PDK1: variants seen among roughly 807,000 people sequenced by gnomAD.
PDK1 encodes the protein pyruvate dehydrogenase kinase 1.
A neutral mutation model predicts 54.2 loss-of-function variants in PDK1; 39 were observed. The ratio of observed to expected loss-of-function variants is 0.72; its 90% CI spans 0.56 to 0.94. The LOEUF is 0.94. Among genes scored for constraint, PDK1 ranks in the 40% least tolerant of loss-of-function variants. The pLI is 0.00. For synonymous variants in PDK1, 221 were observed against 207.1 expected, an observed-to-expected ratio of 1.07 and a Z score of -0.58; for missense variants, 552 against 566.0, an observed-to-expected ratio of 0.98 and a Z score of 0.25.
chr2:172,649,077 C>T, the PDK1 span, among the ~76,000 whole-genome samples: 2 of 152,228 alleles, frequency 1.3e-5, no homozygotes, highest in African/African-American at 4.8e-5. Context: ...CTGGGAGACA[C>T]CTCCCAGTAG....
chr2:172,563,623 C>T (rs1377713633), intron 3 of PDK1, among the ~76,000 whole-genome samples: 1 of 152,138 alleles, frequency 6.6e-6, no homozygotes, highest in Non-Finnish European at 1.5e-5. Flanking sequence ...CGTCTGAGGT[C>T]GGGAGTTCGA....
chr2:172,656,458 C>T, the PDK1 span, among the ~76,000 whole-genome samples: 3 of 152,158 alleles, frequency 2.0e-5, no homozygotes, highest in Admixed American at 6.5e-5. Context: ...CCATGCTCCT[C>T]CCTTAGAGGA....
the PDK1 span, among the ~76,000 whole-genome samples, chr2:172,621,053 A>G: frequency 6.6e-6 from 1 of 152,206 alleles, no homozygotes; most frequent in East Asian, 1.9e-4. Context: ...GCCAAGGCAG[A>G]CGGATCACTT....
chr2:172,654,500 T>G, the PDK1 span, among the ~76,000 whole-genome samples: 1 of 151,358 alleles, frequency 6.6e-6, no homozygotes, highest in African/African-American at 2.4e-5. Flanking sequence ...CTGAGCAAAC[T>G]ATCGCAAGGA....
the PDK1 span, among the ~76,000 whole-genome samples, chr2:172,649,345 G>T: frequency 6.6e-6 from 1 of 152,270 alleles, no homozygotes; most frequent in Non-Finnish European, 1.5e-5. Context: ...CATCATCAAA[G>T]ACCAAAGGTA....
chr2:172,555,695 T>C (rs900105851), upstream of PDK1: 6 of 152,842 alleles, frequency 3.9e-5, no homozygotes, highest in African/African-American at 1.4e-4. Context: ...TTGGCTGAGA[T>C]TGGGAGGGCA....
chr2:172,609,590 A>G (rs1691399687), downstream of PDK1, among the ~76,000 whole-genome samples: 3 of 152,338 alleles, frequency 2.0e-5, no homozygotes, highest in South Asian at 6.2e-4. Context: ...CAAACAACCC[A>G]AAGAAGTGGA....
intron 8 of PDK1, among the ~76,000 whole-genome samples, chr2:172,583,777 T>C (rs1367141528): frequency 6.6e-6 from 1 of 152,124 alleles, no homozygotes; most frequent in Non-Finnish European, 1.5e-5. Context: ...TTTTTAAATA[T>C]ATAAAAACTC....
intron 1 of PDK1, among the ~76,000 whole-genome samples, chr2:172,557,795 G>A (rs556839828): frequency 6.6e-6 from 1 of 151,978 alleles, no homozygotes; most frequent in South Asian, 2.1e-4. Flanking sequence ...CTTTGCTTAT[G>A]GTAATTAGCA....
the PDK1 span, among the ~76,000 whole-genome samples, chr2:172,641,659 A>G: frequency 6.6e-6 from 1 of 151,898 alleles, no homozygotes; most frequent in African/African-American, 2.4e-5. Flanking sequence ...GGCCAGGCTG[A>G]TCTCAAACTC....
chr2:172,634,312 G>A, the PDK1 span, among the ~76,000 whole-genome samples: 2 of 58,790 alleles, frequency 3.4e-5, no homozygotes, highest in Middle Eastern at 0.013. Flanking sequence ...TCGCTCTGTC[G>A]CCCAGGCTGG....
At chr2:172,650,534 C>A in the PDK1 span, among the ~76,000 whole-genome samples, 22 of 152,248 alleles carry the variant, frequency 1.4e-4, no homozygotes, top group African/African-American at 5.3e-4. Flanking sequence ...AAGACACAGA[C>A]TGGCAAATTG....
intron 3 of PDK1, chr2:172,562,913 A>G (rs1271401043): frequency 7.6e-6 from 7 of 919,768 alleles, no homozygotes; most frequent in Non-Finnish European, 1.2e-5. Flanking sequence ...TGTAATGACC[A>G]TCTCTTGTCC....
At chr2:172,555,513 C>T (rs543614848), upstream of PDK1, 1 of 152,262 alleles carries the variant, frequency 6.6e-6, no homozygotes, top group East Asian at 1.9e-4. Context: ...GGCCACACGT[C>T]CCAGTGTTCA....
the PDK1 span, among the ~76,000 whole-genome samples, chr2:172,709,082 C>T: frequency 6.6e-6 from 1 of 151,918 alleles, no homozygotes; most frequent in East Asian, 1.9e-4. Flanking sequence ...TGTTTTTAAA[C>T]CTTTGCAGGT....
chr2:172,636,343 T>A, the PDK1 span, among the ~76,000 whole-genome samples: 5 of 152,094 alleles, frequency 3.3e-5, no homozygotes, highest in Non-Finnish European at 7.4e-5. Context: ...GAGCCCACAT[T>A]ACATGGTGAG....
At chr2:172,638,536 CAT>C in the PDK1 span, among the ~76,000 whole-genome samples, 1 of 152,132 alleles carries the variant, frequency 6.6e-6, no homozygotes, top group Non-Finnish European at 1.5e-5. Context: ...TAAAAGAGCT[CAT>C]ATTCAGTATA....
chr2:172,632,991 A>AACAAAAAAAAAAAAAAACAAAAAAC, the PDK1 span, among the ~76,000 whole-genome samples: 1 of 147,486 alleles, frequency 6.8e-6, no homozygotes, highest in African/African-American at 2.6e-5. Context: ...AAAAAAAAAA[A>AACAAAAAAAAAAAAAAACAAAAAAC]AAGGAACATA....
the PDK1 span, among the ~76,000 whole-genome samples, chr2:172,688,100 A>AT: frequency 1.3e-5 from 2 of 152,140 alleles, no homozygotes; most frequent in Admixed American, 1.3e-4. Context: ...AGACACATAT[A>AT]TTTTTCCTTG....
Sources: gnomAD v4.1 joint callset for allele counts (sites outside exome capture counted in the v4.1 genomes callset) on GRCh38, gnomAD v4.1.1 for gene constraint, MANE v1.5 for transcripts, NCBI Gene and HGNC (gene_info 2026-07-23, HGNC 2026-07-21) for gene names.